Variants in PCDHGA6 observed in about 807,000 individuals in gnomAD.
The protein encoded by PCDHGA6 is protocadherin gamma-A6.
In PCDHGA6, 41 loss-of-function variants were observed where a neutral mutation model predicts 60.6. That is an observed-to-expected ratio of 0.68 (90% CI 0.53 to 0.88). The LOEUF (loss-of-function observed/expected upper bound fraction) is 0.88. Among genes scored for constraint, PCDHGA6 ranks in the 40% least tolerant of loss-of-function variants. The pLI is 0.00. For missense variants in PCDHGA6, 1,312 were observed against 1,203.0 expected (o/e 1.09, Z -1.34); for synonymous variants, 594 against 524.4 (o/e 1.13, Z -1.81).
intron 1 of PCDHGA6, among the ~76,000 whole-genome samples, chr5:141,449,177 G>T (rs2098631167): frequency 6.6e-6 from 1 of 152,028 alleles, no homozygotes. Flanking sequence ...AATTTTCTTA[G>T]GTATTTTCAC....
chr5:141,421,670 T>A, intron 1 of PCDHGA6: 3 of 1,613,892 alleles, frequency 1.9e-6, no homozygotes, highest in Non-Finnish European at 2.5e-6. Flanking sequence ...GAGCACGCAA[T>A]TCCTGGGGCG....
In PCDHGA6 at chr5:141,477,532, C is replaced by T. The variant is rs754570150; in HGVS notation, c.2425-17275C>T. On this transcript the variant is annotated intron_variant, in intron 1 of 3. Transcript: ENST00000517434. This position sits in a 1 kb window ranked among gnomAD's most constrained non-coding sequence, Gnocchi z 4.9. ...TTTACATTGAAGAAAACAACCTCCC[C>T]GGGGCTCCAATACTAAACCTAAGTG... 2.5e-6 allele frequency: 4 copies of T among 1,614,028 alleles called. No individual in the cohort carries two copies. Among genetic ancestry groups the T allele is most frequent in the Admixed American group, 1.7e-5 (1 of 60,000 alleles).
chr5:141,423,219 T>G (rs775170753), intron 1 of PCDHGA6: 4 of 1,613,752 alleles, frequency 2.5e-6, no homozygotes, highest in Non-Finnish European at 3.4e-6. Context: ...TCACCGTGGC[T>G]GTGGCCGACA....
At position 141,376,381 on chromosome 5, in the gene PCDHGA6, T is replaced by A; in HGVS notation, c.2298T>A (p.Ser766Arg). The A allele has an allele frequency of 1.2e-6, 2 of 1,613,972 alleles. No homozygotes were observed. The highest frequency in any genetic ancestry group is 1.7e-6 in the Non-Finnish European group (2 of 1,180,010). ...EVSLTADSRK[S>R]HLIFPQPNYA... ...CACTCACTGCAGACTCGCGTAAGAG[T>A]CATCTGATTTTCCCCCAGCCCAACT... Residue 766 changes from serine to arginine, a missense_variant, in exon 1 of 4, where the codon AGT (serine) becomes AGA (arginine). Ser to Arg is a moderately radical substitution (Grantham distance 110, BLOSUM62 -1). Coordinates refer to ENST00000517434, the MANE Select transcript of PCDHGA6 (RefSeq NM_018919.3).
chr5:141,445,134 A>G lies in PCDHGA6; in HGVS notation c.2425-49673A>G, dbSNP rs900226020. ...TTGTAAATAGTATTTTTAAAATTGT[A>G]TCTTCTAATTGTTCATTTCTAGTTT... On this transcript the variant is annotated intron_variant, in intron 1 of 3. Transcript: ENST00000517434. Among the ~76,000 whole-genome samples, 174 of 152,316 alleles carry G rather than the reference A, an allele frequency of 1.1e-3. 4 individuals carry two copies. The highest frequency in any genetic ancestry group is 5.3e-4 in the Non-Finnish European group (36 of 68,016).
At position 141,491,969 on chromosome 5, in the gene PCDHGA6, C is replaced by A; in HGVS notation, c.2425-2838C>A. ...CCCCTACACTCAAAAAAGGCCGGGGCCTCCTTCGAGCTTCCGGTGAATTTC... is the reference window on the plus strand; with the variant it reads ...CCCCTACACTCAAAAAAGGCCGGGGACTCCTTCGAGCTTCCGGTGAATTTC... On this transcript the variant is annotated intron_variant, in intron 1 of 3. Coordinates refer to ENST00000517434, the MANE Select transcript of PCDHGA6 (RefSeq NM_018919.3). The surrounding 1 kb of genome is among the most constrained non-coding windows in gnomAD (Gnocchi z 6.9). 1 of 898,714 alleles carries A rather than the reference C, an allele frequency of 1.1e-6. No individual in the cohort carries two copies. Among genetic ancestry groups the A allele is most frequent in the Non-Finnish European group, 1.6e-6 (1 of 629,384 alleles). 55.7% of individuals were successfully genotyped at this position (898,714 alleles called of 1,614,324 possible). A position where few individuals can be genotyped will look rare whatever the true frequency, so the allele number is the denominator to read the frequency against.
chr5:141,384,346 G>A (rs992832645), intron 1 of PCDHGA6: 3 of 1,613,746 alleles, frequency 1.9e-6, no homozygotes, highest in Non-Finnish European at 2.5e-6. Context: ...CGACAGTGAG[G>A]ATAATGCCCA....
At chr5:141,488,259 C>T (rs1594750656) in intron 1 of PCDHGA6, among the ~76,000 whole-genome samples, 1 of 152,144 alleles carries the variant, frequency 6.6e-6, no homozygotes, top group African/African-American at 2.4e-5. Context: ...AAGGTTGGGG[C>T]GGGTTGGTCA....
At chr5:141,417,710 T>A in intron 1 of PCDHGA6, 2 of 1,249,348 alleles carry the variant, frequency 1.6e-6, no homozygotes, top group Admixed American at 5.9e-5. Context: ...ACACAGAGGC[T>A]CCCGGCTGCG....
intron 1 of PCDHGA6, chr5:141,405,556 C>T: frequency 1.6e-6 from 1 of 619,826 alleles, no homozygotes; most frequent in East Asian, 2.7e-5. Context: ...AGTAGAGTAG[C>T]TGGGACTAGA....
chr5:141,419,216 G>C, intron 1 of PCDHGA6: 3 of 1,613,886 alleles, frequency 1.9e-6, no homozygotes, highest in Admixed American at 1.7e-5. Flanking sequence ...GCCGGTTTTC[G>C]GACAGTCAGC....
chr5:141,465,366 A>G (rs2099102089), intron 1 of PCDHGA6, among the ~76,000 whole-genome samples: 1 of 152,154 alleles, frequency 6.6e-6, no homozygotes, highest in Non-Finnish European at 1.5e-5. Flanking sequence ...GGTGCCCTTT[A>G]AAGTTGTAAG....
At position 141,375,854 on chromosome 5, in the gene PCDHGA6, G is replaced by A. The variant is rs937512272; in HGVS notation, c.1771G>A (p.Val591Met). 3.1e-6 allele frequency: 5 copies of A among 1,613,934 alleles called. No homozygotes were observed. The South Asian group carries it at 5.5e-5, about 18-fold the overall frequency. ...AGAGCCCGGCTACCTGGTGACCAAG[G>A]TGGTGGCGGTGGACAGAGACTCGGG... Reference protein sequence around the residue: ...SAEPGYLVTKVVAVDRDSGQN... With the variant: ...SAEPGYLVTKMVAVDRDSGQN... Residue 591 changes from valine (V) to methionine (M), a missense_variant, in exon 1 of 4, where the codon GTG becomes ATG. Coordinates refer to ENST00000517434, the MANE Select transcript of PCDHGA6 (RefSeq NM_018919.3).
At position 141,476,311 on chromosome 5, in the gene PCDHGA6, G is replaced by C. The variant is rs772962568; in HGVS notation, c.2425-18496G>C. ...ATCTCGGTAGCCTCTCAGCCCGCAGGTTCCGGGTGGTGTCTGGAGCTAGCC... is the reference window on the plus strand; with the variant it reads ...ATCTCGGTAGCCTCTCAGCCCGCAGCTTCCGGGTGGTGTCTGGAGCTAGCC... On this transcript the variant is annotated intron_variant, in intron 1 of 3. Transcript: ENST00000517434. The surrounding 1 kb of genome is among the most constrained non-coding windows in gnomAD (Gnocchi z 7.6). 18 of 1,613,680 alleles carry C rather than the reference G, an allele frequency of 1.1e-5. No homozygotes were observed. Among genetic ancestry groups the C allele is most frequent in the African/African-American group, 2.7e-5 (2 of 74,766 alleles).
chr5:141,432,128 T>C lies in PCDHGA6; in HGVS notation c.2424+55621T>C. 3 of 1,614,080 alleles carry C rather than the reference T, an allele frequency of 1.9e-6. No homozygotes were observed. Among genetic ancestry groups the C allele is most frequent in the Non-Finnish European group, 2.5e-6 (3 of 1,180,016 alleles). On this transcript the variant is annotated intron_variant, in intron 1 of 3. Coordinates refer to ENST00000517434, the MANE Select transcript of PCDHGA6 (RefSeq NM_018919.3). This position sits in a 1 kb window ranked among gnomAD's most constrained non-coding sequence, Gnocchi z 6.0. ...CCCGCCGGTCTTCCCTCAGGCCTCC[T>C]ATTCCGCTTATATCCCAGAGAACAA... is the stretch of plus-strand genomic sequence containing the variant.
chr5:141,393,892 C>A lies in PCDHGA6; in HGVS notation c.2424+17385C>A, dbSNP rs775134910. The A allele has an allele frequency of 1.2e-5, 19 of 1,613,856 alleles. No homozygotes were observed. Among genetic ancestry groups the A allele is most frequent in the Admixed American group, 6.7e-5 (4 of 60,000 alleles). ...TTGTTTAGCCCAGTGTTAGAAAATT[C>A]TCTTCCCGGGACAGTAATTGCCTTC... On this transcript the variant is annotated intron_variant, in intron 1 of 3. Transcript: ENST00000517434.
chr5:141,415,848 A>C (rs1222834072), intron 1 of PCDHGA6: 1 of 1,241,178 alleles, frequency 8.1e-7, no homozygotes, highest in Non-Finnish European at 1.0e-6. Context: ...GCTTTGCAGA[A>C]CCTTGTAGTT....
At chr5:141,385,965 G>A (rs368454164) in intron 1 of PCDHGA6, 2 of 152,134 alleles carry the variant, frequency 1.3e-5, no homozygotes, top group Non-Finnish European at 2.9e-5. Flanking sequence ...AAAGGCCATC[G>A]GACAAAACCA....
At chr5:141,427,188 A>G (rs1346514063) in intron 1 of PCDHGA6, 1 of 456,744 alleles carries the variant, frequency 2.2e-6, no homozygotes, top group Admixed American at 2.3e-5. Flanking sequence ...AATTAAATCC[A>G]AAGACTTAAT....
Sources: allele counts gnomAD v4.1 joint callset (sites outside exome capture counted in the v4.1 genomes callset), GRCh38; gene constraint gnomAD v4.1.1; non-coding constraint Gnocchi (gnomAD v3.1); transcripts MANE v1.5; gene names NCBI Gene and HGNC (gene_info 2026-07-23, HGNC 2026-07-21).